The following KIAA1328 variants were observed in gnomAD, a reference collection of about 807,000 sequenced individuals.
KIAA1328 encodes the protein KIAA1328, also known as protein hinderin.
Under a neutral mutation model 68.1 loss-of-function variants are expected in KIAA1328, and 52 were observed. The ratio of observed to expected loss-of-function variants is 0.76; its 90% CI spans 0.61 to 0.96. KIAA1328 has a LOEUF of 0.96. Ranked by LOEUF, KIAA1328 falls within the 40% of genes least tolerant of loss-of-function variation. The probability of loss-of-function intolerance (pLI) is 0.00; values close to 1 mark genes in which losing one functional copy is unlikely to be tolerated. For synonymous variants in KIAA1328, 232 were observed against 239.4 expected (o/e 0.97, Z 0.28); for missense variants, 641 against 677.6 (o/e 0.95, Z 0.60).
chr18:37,189,786 C>T (rs2059870678), intron 9 of KIAA1328, among the ~76,000 whole-genome samples: 1 of 152,054 alleles, frequency 6.6e-6, no homozygotes, highest in African/African-American at 2.4e-5. Flanking sequence ...AAACTGATAC[C>T]AGTGATTTGT....
At chr18:36,831,587 G>A (rs533484297) in intron 1 of KIAA1328, among the ~76,000 whole-genome samples, 2 of 152,248 alleles carry the variant, frequency 1.3e-5, no homozygotes, top group South Asian at 4.1e-4. Flanking sequence ...GCAATATCAT[G>A]GACTTGATAT....
intron 4 of KIAA1328, among the ~76,000 whole-genome samples, chr18:36,881,466 G>C (rs1355448625): frequency 6.6e-6 from 1 of 150,818 alleles, no homozygotes; most frequent in African/African-American, 2.5e-5. Flanking sequence ...GAAAGAAGAA[G>C]GTCATTCCTT....
intron 5 of KIAA1328, chr18:36,895,731 C>A (rs1298888868): frequency 2.0e-5 from 9 of 456,018 alleles, no homozygotes; most frequent in Non-Finnish European, 3.5e-5. Flanking sequence ...GAAGCTCTAA[C>A]CCCCAGTGAG....
intron 6 of KIAA1328, among the ~76,000 whole-genome samples, chr18:37,030,570 A>G (rs1367812947): frequency 2.0e-5 from 3 of 152,318 alleles, no homozygotes; most frequent in African/African-American, 4.8e-5. Flanking sequence ...TCACCATATC[A>G]TATGATCTGG....
intron 7 of KIAA1328, among the ~76,000 whole-genome samples, chr18:37,141,818 G>A (rs1369907907): frequency 1.3e-5 from 2 of 152,142 alleles, no homozygotes; most frequent in East Asian, 1.9e-4. Flanking sequence ...GTTTTAGTGT[G>A]CAGTTCTCCT....
At chr18:37,129,773 T>A (rs2058478199) in intron 7 of KIAA1328, among the ~76,000 whole-genome samples, 1 of 152,176 alleles carries the variant, frequency 6.6e-6, no homozygotes, top group African/African-American at 2.4e-5. Context: ...AGGAAAGAAT[T>A]GTATGCAGAA....
chr18:37,138,948 C>CTTTTTTTTTT lies in KIAA1328; in HGVS notation c.1233-21235_1233-21226dup, dbSNP rs869053490. ...AATATTTCATGTATGAAATTTTGTT[C>CTTTTTTTTTT]TTTTTTTTTTTTTTTTTTTTTTTTT... On this transcript the variant is annotated intron_variant, in intron 7 of 9. Coordinates refer to ENST00000280020, the MANE Select transcript of KIAA1328 (RefSeq NM_020776.3). Among the ~76,000 whole-genome samples, 3 of 74,166 alleles carry CTTTTTTTTTT rather than the reference C, an allele frequency of 4.0e-5. 1 individual carries two copies. The highest frequency in any genetic ancestry group is 1.2e-4 in the African/African-American group (2 of 16,732). 48.7% of individuals were successfully genotyped at this position (74,166 alleles called of 152,430 possible).
intron 9 of KIAA1328, among the ~76,000 whole-genome samples, chr18:37,219,827 G>C (rs995847330): frequency 2.6e-5 from 4 of 152,164 alleles, no homozygotes; most frequent in Non-Finnish European, 5.9e-5. Flanking sequence ...GCCCTCTGTG[G>C]GCTGCACCCA....
intron 9 of KIAA1328, among the ~76,000 whole-genome samples, chr18:37,215,839 C>T (rs1004616599): frequency 6.6e-6 from 1 of 152,086 alleles, no homozygotes; most frequent in African/African-American, 2.4e-5. Context: ...TGTTATTGGT[C>T]TATTCAGGGA....
chr18:36,933,409 G>A (rs992679353), intron 5 of KIAA1328, among the ~76,000 whole-genome samples: 3 of 152,156 alleles, frequency 2.0e-5, no homozygotes, highest in East Asian at 1.9e-4. Context: ...TTTGTTAGGT[G>A]TTCCAGGCCA....
At chr18:36,966,004 G>T (rs1175004836) in intron 6 of KIAA1328, among the ~76,000 whole-genome samples, 3 of 150,992 alleles carry the variant, frequency 2.0e-5, no homozygotes, top group African/African-American at 7.3e-5. Context: ...GGTAAAACAA[G>T]AATTGTTCCT....
intron 4 of KIAA1328, among the ~76,000 whole-genome samples, chr18:36,855,149 C>G (rs2047341813): frequency 6.6e-6 from 1 of 152,094 alleles, no homozygotes; most frequent in Admixed American, 6.6e-5. Flanking sequence ...AGTACGTTTT[C>G]AAATTCCTTT....
At chr18:36,852,351 A>G (rs1473200795) in intron 4 of KIAA1328, among the ~76,000 whole-genome samples, 1 of 152,178 alleles carries the variant, frequency 6.6e-6, no homozygotes, top group Non-Finnish European at 1.5e-5. Context: ...AATGAGGGTC[A>G]TGATCAACTC....
intron 7 of KIAA1328, among the ~76,000 whole-genome samples, chr18:37,147,658 T>C (rs1162077863): frequency 6.6e-6 from 1 of 152,136 alleles, no homozygotes; most frequent in Non-Finnish European, 1.5e-5. Context: ...TTGATTTTGG[T>C]CTTTGTTAGA....
chr18:37,088,982 G>A (rs146361687), intron 7 of KIAA1328, among the ~76,000 whole-genome samples: 2 of 152,052 alleles, frequency 1.3e-5, no homozygotes, highest in Non-Finnish European at 2.9e-5. Flanking sequence ...CTTTCTTTAT[G>A]CTTACAAATA....
At chr18:37,185,625 G>A (rs2059780684) in intron 9 of KIAA1328, among the ~76,000 whole-genome samples, 1 of 151,996 alleles carries the variant, frequency 6.6e-6, no homozygotes, top group South Asian at 2.1e-4. Context: ...AGTAGTTAAT[G>A]GTAATTGGCT....
chr18:37,195,139 T>A (rs547590246), intron 9 of KIAA1328, among the ~76,000 whole-genome samples: 1 of 152,318 alleles, frequency 6.6e-6, no homozygotes, highest in South Asian at 2.1e-4. Context: ...CTAGCTAGTT[T>A]GAACTATATT....
chr18:37,229,509 C>G, downstream of KIAA1328: 1 of 1,230,694 alleles, frequency 8.1e-7, no homozygotes, highest in Non-Finnish European at 1.0e-6. Flanking sequence ...AGAATTCAGA[C>G]TCAGAAACTG....
At position 37,113,681 on chromosome 18, in the gene KIAA1328, G is replaced by A. The variant is rs2058012978; in HGVS notation, c.1232+46136G>A. Among the ~76,000 whole-genome samples the A allele has an allele frequency of 2.0e-5, 3 of 152,088 alleles. No homozygotes were observed. In the South Asian group the frequency reaches 6.2e-4, roughly 32 times the overall value. On this transcript the variant is annotated intron_variant, in intron 7 of 9. Coordinates refer to ENST00000280020, the MANE Select transcript of KIAA1328 (RefSeq NM_020776.3). ...CAATATTAACCTTAAATGTAAATGG[G>A]CTAAATGCTCCAATTAAAAGACAAA...
Sources: gnomAD v4.1 joint callset for allele counts (sites outside exome capture counted in the v4.1 genomes callset) on GRCh38, gnomAD v4.1.1 for gene constraint, MANE v1.5 for transcripts, NCBI Gene and HGNC (gene_info 2026-07-23, HGNC 2026-07-21) for gene names.